Variants in CHD8 observed in about 807,000 individuals in gnomAD.
CHD8 encodes the protein ATP-dependent chromatin remodeler CHD8.
CHD8 carries 31 observed loss-of-function variants against 279.2 expected under a neutral mutation model. The observed-to-expected ratio is 0.11, with a 90% CI of 0.08 to 0.15. CHD8 has a LOEUF of 0.15. CHD8 is among the 10% of genes least tolerant of loss of function. CHD8 has a pLI of 1.00. For synonymous variants in CHD8, 1,081 were observed against 1,139.6 expected (o/e 0.95, Z 1.04); for missense variants, 2,146 against 3,230.5 (o/e 0.66, Z 8.14).
At chr14:21,429,357 G>C (rs752474839) in intron 2 of CHD8, 22 bp from the exon 3 acceptor site, 5 of 1,600,938 alleles carry the variant, frequency 3.1e-6, no homozygotes, top group Non-Finnish European at 4.3e-6. Context: ...AAAGGAAATT[G>C]CAAGAGTACA....
Position 21,415,011 on chromosome 14 carries a change from A to G in CHD8, c.1969-18T>C. On this transcript the variant is annotated intron_variant, in intron 7 of 37. Transcript: ENST00000646647. Reference sequence around the variant, plus strand: ...GAAGGGAGCTAAGAAAAAAGAAATAAATTAGTCACTAGTCCCTTATTTGTA... The same window carrying G: ...GAAGGGAGCTAAGAAAAAAGAAATAGATTAGTCACTAGTCCCTTATTTGTA... 6.5e-7 allele frequency: 1 copy of G among 1,528,790 alleles called. No individual in the cohort carries two copies. Among genetic ancestry groups the G allele is most frequent in the Non-Finnish European group, 9.0e-7 (1 of 1,117,196 alleles). The allele number at this position is 1,528,790 out of a possible 1,614,324, so 94.7% of individuals were successfully genotyped here. A position where few individuals can be genotyped will look rare whatever the true frequency, so the allele number is the denominator to read the frequency against.
In CHD8 at chr14:21,408,651, TA is replaced by T. The variant is rs1888353557; in HGVS notation, c.2486+52del. 1 of 1,575,988 alleles carries T rather than the reference TA, an allele frequency of 6.3e-7. No homozygotes were observed. Among genetic ancestry groups the T allele is most frequent in the Admixed American group, 1.9e-5 (1 of 52,876 alleles). ...AGAAATTGTTTCAATAGAAAACAAA[TA>T]AAAATAATCCCAGAACTAAGCTTAC... is the stretch of plus-strand genomic sequence containing the variant. On this transcript the variant is annotated intron_variant, in intron 12 of 37. Transcript: ENST00000646647. The surrounding 1 kb of genome is among the most constrained non-coding windows in gnomAD (Gnocchi z 4.3).
intron 1 of CHD8, among the ~76,000 whole-genome samples, chr14:21,447,619 G>A (rs1179934806): frequency 6.6e-6 from 1 of 151,970 alleles, no homozygotes; most frequent in Non-Finnish European, 1.5e-5. Flanking sequence ...TGATCAACTC[G>A]CCTCAGCCTC....
At chr14:21,448,048 A>T (rs1408920190) in intron 1 of CHD8, among the ~76,000 whole-genome samples, 1 of 152,224 alleles carries the variant, frequency 6.6e-6, no homozygotes, top group Non-Finnish European at 1.5e-5. Flanking sequence ...ACATTCCTGC[A>T]TGCCCTATTT....
intron 5 of CHD8, 54 bp downstream of exon 5, chr14:21,426,073 GT>G: frequency 9.5e-7 from 1 of 1,050,696 alleles, no homozygotes. Flanking sequence ...GCTTGGCTTG[GT>G]TAGCCATAAT....
chr14:21,443,208 G>A (rs1034400472), intron 1 of CHD8, among the ~76,000 whole-genome samples: 4 of 151,954 alleles, frequency 2.6e-5, no homozygotes, highest in African/African-American at 9.6e-5. Flanking sequence ...TGGCTAACAC[G>A]GTGAAACTCC....
chr14:21,397,344 C>G (rs1325762459), intron 27 of CHD8: 1 of 518,894 alleles, frequency 1.9e-6, no homozygotes, highest in Non-Finnish European at 3.8e-6. Context: ...GCACCCAAAC[C>G]AGGGCAACAC....
Position 21,431,777 on chromosome 14 carries a change from G to C in CHD8, c.-134C>G. On this transcript the variant is annotated 5_prime_UTR_variant, in exon 2 of 38. Coordinates refer to ENST00000646647, the MANE Select transcript of CHD8 (RefSeq NM_001170629.2). Reference sequence around the variant, plus strand: ...AAGAGGACTACTCTTCAAGTATAGAGGCAAGAAACAAGTGCATGTCAGATT... The same window carrying C: ...AAGAGGACTACTCTTCAAGTATAGACGCAAGAAACAAGTGCATGTCAGATT... The C allele has an allele frequency of 6.2e-7, 1 of 1,613,482 alleles. No homozygotes were observed. The highest frequency in any genetic ancestry group is 1.3e-5 in the African/African-American group (1 of 74,982).
intron 7 of CHD8, 163 bp from the exon 8 acceptor site, chr14:21,415,156 T>C: frequency 1.7e-6 from 1 of 592,208 alleles, no homozygotes; most frequent in Non-Finnish European, 2.9e-6. Context: ...AGAGGCCTGA[T>C]AGCTGGAAAA....
chr14:21,423,459 ACCTCTTAAGGGTCCCC>A (rs1265698487), intron 5 of CHD8, among the ~76,000 whole-genome samples: 1 of 149,448 alleles, frequency 6.7e-6, no homozygotes, highest in Admixed American at 6.7e-5. Context: ...TGACCTAATC[ACCTCTTAAGGGTCCCC>A]CCTCTCAACA....
chr14:21,395,693 G>T, intron 28 of CHD8, 124 bp downstream of exon 28: 1 of 691,146 alleles, frequency 1.4e-6, no homozygotes, highest in South Asian at 1.9e-5. Context: ...ATTCTCAAAT[G>T]GTATAATTCA....
intron 1 of CHD8, among the ~76,000 whole-genome samples, chr14:21,440,373 A>C (rs1889925926): frequency 6.6e-6 from 1 of 151,890 alleles, no homozygotes; most frequent in Admixed American, 6.6e-5. Flanking sequence ...TGCCCGGCTA[A>C]TTTTTGTATT....
chr14:21,401,592 AT>A (rs375753246), intron 20 of CHD8, 79 bp from the exon 21 acceptor site: 5,300 of 823,168 alleles, frequency 6.4e-3, no homozygotes, highest in South Asian at 9.8e-3. Context: ...TTTTAAAAAC[AT>A]TTTTTTTTTG....
At chr14:21,452,581 T>C (rs561479476) in intron 1 of CHD8, among the ~76,000 whole-genome samples, 2 of 151,858 alleles carry the variant, frequency 1.3e-5, no homozygotes, top group Non-Finnish European at 2.9e-5. Context: ...GAGGTGGAGG[T>C]TGCAGTAAGC....
At chr14:21,397,492 G>A (rs932717488) in intron 27 of CHD8, 1 of 403,440 alleles carries the variant, frequency 2.5e-6, no homozygotes, top group Non-Finnish European at 5.0e-6. Flanking sequence ...CTCTTCCACA[G>A]AAGCAACGTA....
intron 1 of CHD8, among the ~76,000 whole-genome samples, chr14:21,442,804 GA>G: frequency 2.6e-5 from 2 of 76,636 alleles, no homozygotes; most frequent in African/African-American, 5.3e-5. Context: ...GAGAGGGGAG[GA>G]GAGGGGAGGA....
At chr14:21,435,851 G>A (rs773730615) in intron 1 of CHD8, among the ~76,000 whole-genome samples, 68 of 152,206 alleles carry the variant, frequency 4.5e-4, no homozygotes, top group Non-Finnish European at 9.3e-4. Context: ...GGCAGAGAAA[G>A]AAACATTCCT....
chr14:21,392,646 G>A lies in CHD8; in HGVS notation c.6632C>T (p.Ser2211Phe). ...ACTACTTCGTGGTGTGGGGACTGGA[G>A]AGTCACCATATTCTCCAGGAGTCAA... is the stretch of plus-strand genomic sequence containing the variant. ...PSLTPGEYGD[S>F]PVPTPRSSSA... The change falls in exon 34 of 38, where the codon TCT becomes TTT. Residue 2211 changes from serine to phenylalanine, a missense_variant. Around this residue, in one of 26 missense-constraint regions of CHD8, gnomAD observed 513 missense variants for 637.6 expected, o/e 0.80. Coordinates refer to ENST00000646647, the MANE Select transcript of CHD8 (RefSeq NM_001170629.2). 6.2e-7 allele frequency: 1 copy of A among 1,614,028 alleles called. No homozygotes were observed. Among genetic ancestry groups the A allele is most frequent in the Middle Eastern group, 1.7e-4 (1 of 6,058 alleles).
intron 1 of CHD8, among the ~76,000 whole-genome samples, chr14:21,432,924 A>G (rs1411066270): frequency 6.6e-6 from 1 of 152,180 alleles, no homozygotes. Flanking sequence ...CAAATTGTAA[A>G]AAGTTGCCCA....
Sources: allele counts gnomAD v4.1 joint callset (sites outside exome capture counted in the v4.1 genomes callset), GRCh38; gene constraint gnomAD v4.1.1; regional missense constraint gnomAD v4.1.1; non-coding constraint Gnocchi (gnomAD v3.1); transcripts MANE v1.5; gene names NCBI Gene and HGNC (gene_info 2026-07-23, HGNC 2026-07-21).